The following ARHGAP15 variants were observed in gnomAD, a reference collection of about 807,000 sequenced individuals.
The protein encoded by ARHGAP15 is Rho GTPase activating protein 15.
ARHGAP15 carries 51 observed loss-of-function variants against 63.7 expected under a neutral mutation model. The ratio of observed to expected loss-of-function variants is 0.80; its 90% CI spans 0.64 to 1.01. The LOEUF is 1.01. ARHGAP15 is among the 50% of genes least tolerant of loss of function. ARHGAP15 has a pLI of 0.00. For missense variants in ARHGAP15, 560 were observed against 564.6 expected, an observed-to-expected ratio of 0.99 and a Z score of 0.08; for synonymous variants, 191 against 193.8, an observed-to-expected ratio of 0.99 and a Z score of 0.12.
In ARHGAP15 at chr2:143,462,817, A is replaced by G. The variant is rs191946246; in HGVS notation, c.704-24556A>G. On this transcript the variant is annotated intron_variant, in intron 8 of 13. Coordinates refer to ENST00000295095, the MANE Select transcript of ARHGAP15 (RefSeq NM_018460.4). ...TGGATGGATGGACAGACGGACAGAC[A>G]GACAGACAAAAAGATTTTTCCAGTT... 2.6e-4 allele frequency among the ~76,000 whole-genome samples: 39 copies of G among 152,296 alleles called. No individual in the cohort carries two copies. The East Asian group carries it at 7.1e-3, about 28-fold the overall frequency.
At chr2:143,374,370 A>G (rs1353741871) in intron 6 of ARHGAP15, among the ~76,000 whole-genome samples, 1 of 151,812 alleles carries the variant, frequency 6.6e-6, no homozygotes, top group East Asian at 1.9e-4. Context: ...TTTCTTTCCC[A>G]CTGCTACCCC....
At chr2:143,316,375 T>C (rs549551472) in intron 6 of ARHGAP15, among the ~76,000 whole-genome samples, 21 of 151,816 alleles carry the variant, frequency 1.4e-4, no homozygotes, top group Non-Finnish European at 2.2e-4. Flanking sequence ...GCAGTTTGAA[T>C]GCACAATAAA....
chr2:143,155,141 C>T (rs1200819793), intron 1 of ARHGAP15, among the ~76,000 whole-genome samples: 1 of 151,804 alleles, frequency 6.6e-6, no homozygotes, highest in Non-Finnish European at 1.5e-5. Flanking sequence ...AAGCATATAT[C>T]CTCAAGACAG....
chr2:143,435,253 C>T, intron 6 of ARHGAP15: 1 of 997,640 alleles, frequency 1.0e-6, no homozygotes, highest in Non-Finnish European at 1.2e-6. Flanking sequence ...TGAATTCTGA[C>T]ACACCCGGGT....
intron 8 of ARHGAP15, among the ~76,000 whole-genome samples, chr2:143,461,921 C>T (rs1418032055): frequency 1.3e-5 from 2 of 152,124 alleles, no homozygotes; most frequent in Non-Finnish European, 2.9e-5. Flanking sequence ...GTAATCCCAG[C>T]ACTTTGGGAG....
intron 6 of ARHGAP15, among the ~76,000 whole-genome samples, chr2:143,356,951 C>A (rs1438399205): frequency 6.6e-6 from 1 of 152,188 alleles, no homozygotes; most frequent in South Asian, 2.1e-4. Context: ...GTGCAGTAAG[C>A]CACTGAACAG....
intron 10 of ARHGAP15, among the ~76,000 whole-genome samples, chr2:143,534,108 G>A (rs1033482319): frequency 1.3e-5 from 2 of 152,124 alleles, no homozygotes; most frequent in Admixed American, 6.5e-5. Context: ...ATCGAGAGAC[G>A]AGGTGGAAGT....
intron 10 of ARHGAP15, among the ~76,000 whole-genome samples, chr2:143,540,124 C>A (rs1694976347): frequency 6.6e-6 from 1 of 152,126 alleles, no homozygotes; most frequent in South Asian, 2.1e-4. Flanking sequence ...GATCCCTTTA[C>A]CATTATGTAA....
At chr2:143,340,973 C>T (rs1024718274) in intron 6 of ARHGAP15, among the ~76,000 whole-genome samples, 9 of 152,082 alleles carry the variant, frequency 5.9e-5, no homozygotes, top group African/African-American at 1.9e-4. Context: ...ATTTGGCCAA[C>T]GTAAGACAGG....
intron 6 of ARHGAP15, among the ~76,000 whole-genome samples, chr2:143,415,318 A>G (rs1004968661): frequency 5.3e-5 from 8 of 152,338 alleles, no homozygotes; most frequent in Non-Finnish European, 1.0e-4. Flanking sequence ...TTTTAAAACC[A>G]TAAAATTTAA....
chr2:143,385,415 A>AAT lies in ARHGAP15; in HGVS notation c.475-50184_475-50183dup, dbSNP rs146390149. On this transcript the variant is annotated intron_variant, in intron 6 of 13. Transcript: ENST00000295095. The stretch of plus-strand genomic sequence containing the variant: ...GTTAAAATTCTCTTTATTTCAACAG[A>AAT]ATAATAGCTAAACTTATAAGTGAAG... Among the ~76,000 whole-genome samples the AAT allele has an allele frequency of 5.5e-3, 843 of 152,302 alleles. 11 individuals are homozygous for AAT. The highest frequency in any genetic ancestry group is 0.036 in the South Asian group (176 of 4,832).
intron 13 of ARHGAP15, among the ~76,000 whole-genome samples, chr2:143,708,217 T>C (rs906597509): frequency 1.3e-5 from 2 of 152,202 alleles, no homozygotes; most frequent in Admixed American, 6.5e-5. Context: ...AATAATGCTT[T>C]TGAAGAGTCT....
At chr2:143,302,157 CA>C (rs1682934492) in intron 6 of ARHGAP15, among the ~76,000 whole-genome samples, 1 of 151,908 alleles carries the variant, frequency 6.6e-6, no homozygotes, top group South Asian at 2.1e-4. Context: ...TTGAAATGAT[CA>C]CGTAAGATAT....
At chr2:143,413,966 T>TGTGTGTGTGTGA in intron 6 of ARHGAP15, among the ~76,000 whole-genome samples, 1 of 117,924 alleles carries the variant, frequency 8.5e-6, no homozygotes, top group East Asian at 2.6e-4. Context: ...TGTGTGTGTG[T>TGTGTGTGTGTGA]GCGCGCTCTC....
intron 10 of ARHGAP15, among the ~76,000 whole-genome samples, chr2:143,554,593 A>G (rs1052200265): frequency 7.2e-5 from 11 of 152,158 alleles, no homozygotes; most frequent in Non-Finnish European, 8.8e-5. Context: ...TTAAAATTTC[A>G]TAGGTTAAAA....
intron 6 of ARHGAP15, among the ~76,000 whole-genome samples, chr2:143,411,940 C>T (rs1260886244): frequency 1.3e-5 from 2 of 152,070 alleles, no homozygotes; most frequent in Non-Finnish European, 2.9e-5. Context: ...AAAGAGGAAA[C>T]CAGAAGTCCA....
intron 6 of ARHGAP15, among the ~76,000 whole-genome samples, chr2:143,393,255 T>C (rs572774413): frequency 1.3e-4 from 20 of 152,288 alleles, no homozygotes; most frequent in South Asian, 6.2e-4. Context: ...GGGACTATCA[T>C]TGTTAATATT....
At chr2:143,336,406 T>G (rs1433371487) in intron 6 of ARHGAP15, among the ~76,000 whole-genome samples, 1 of 152,112 alleles carries the variant, frequency 6.6e-6, no homozygotes, top group Non-Finnish European at 1.5e-5. Context: ...AGTTTAGAAA[T>G]AGTTTGGGGA....
intron 2 of ARHGAP15, among the ~76,000 whole-genome samples, chr2:143,197,202 C>G (rs1446034669): frequency 1.3e-5 from 2 of 151,844 alleles, no homozygotes; most frequent in Non-Finnish European, 2.9e-5. Flanking sequence ...CACAAACAAA[C>G]AAGTATATTT....
Sources: gnomAD v4.1 joint callset for allele counts (sites outside exome capture counted in the v4.1 genomes callset) on GRCh38, gnomAD v4.1.1 for gene constraint, MANE v1.5 for transcripts, NCBI Gene and HGNC (gene_info 2026-07-23, HGNC 2026-07-21) for gene names.